SLC14A2: variants seen among roughly 807,000 people sequenced by gnomAD.
SLC14A2 encodes solute carrier family 14 member 2.
Under a neutral mutation model 104.6 loss-of-function variants are expected in SLC14A2, and 91 were observed. The ratio of observed to expected loss-of-function variants is 0.87; its 90% confidence interval spans 0.73 to 1.04. The LOEUF (loss-of-function observed/expected upper bound fraction) is 1.04, where lower values mean the gene tolerates loss of function less well. Ranked by LOEUF, SLC14A2 falls within the 50% of genes least tolerant of loss-of-function variation. The probability of loss-of-function intolerance (pLI) is 0.00; values close to 1 mark genes in which losing one functional copy is unlikely to be tolerated. For missense variants in SLC14A2, 1,189 were observed against 1,156.0 expected (o/e 1.03, Z -0.41); for synonymous variants, 476 against 466.4 (o/e 1.02, Z -0.27).
chr18:45,511,132 G>A (rs1002419225), intron 2 of SLC14A2, among the ~76,000 whole-genome samples: 3 of 152,000 alleles, frequency 2.0e-5, no homozygotes, highest in Non-Finnish European at 2.9e-5. Context: ...TCTGCAAGGG[G>A]CATTATCTGG....
chr18:45,617,134 G>GA (rs2045085931), intron 1 of SLC14A2, among the ~76,000 whole-genome samples: 1 of 152,086 alleles, frequency 6.6e-6, no homozygotes, highest in African/African-American at 2.4e-5. Flanking sequence ...AGGGTGTGAC[G>GA]ATCTCCTATG....
At chr18:45,345,513 T>A (rs576391105) in intron 1 of SLC14A2, among the ~76,000 whole-genome samples, 9 of 152,302 alleles carry the variant, frequency 5.9e-5, no homozygotes, top group African/African-American at 2.2e-4. Context: ...TTATCCCTTT[T>A]GTTTATTACC....
At chr18:45,267,403 T>C (rs1250758967) in intron 1 of SLC14A2, among the ~76,000 whole-genome samples, 1 of 152,152 alleles carries the variant, frequency 6.6e-6, no homozygotes, top group Non-Finnish European at 1.5e-5. Context: ...GGCCCCAGCA[T>C]CATGATGATA....
chr18:45,475,666 TA>T (rs1568228083), intron 1 of SLC14A2, among the ~76,000 whole-genome samples: 14 of 101,828 alleles, frequency 1.4e-4, no homozygotes, highest in Admixed American at 2.3e-4. Context: ...TATATATATA[TA>T]TATATATATA....
chr18:45,563,445 C>T (rs983221527), intron 2 of SLC14A2, among the ~76,000 whole-genome samples: 17 of 152,158 alleles, frequency 1.1e-4, no homozygotes, highest in Non-Finnish European at 2.1e-4. Context: ...AAATTACATT[C>T]GAAAGTATAA....
intron 4 of SLC14A2, 119 bp downstream of exon 4, chr18:45,627,266 C>A: frequency 1.2e-6 from 1 of 819,490 alleles, no homozygotes; most frequent in Non-Finnish European, 2.0e-6. Context: ...TGAGTATCAA[C>A]TTTAAGCAGG....
Position 45,540,811 on chromosome 18 carries a change from C to CTTCCCTCCCTTCTT in SLC14A2, c.-35+57497_-35+57510dup, listed in dbSNP as rs1477100151. 3.3e-5 allele frequency among the ~76,000 whole-genome samples: 5 copies of CTTCCCTCCCTTCTT among 152,108 alleles called. No homozygotes were observed. In the East Asian group the frequency reaches 9.7e-4, roughly 29 times the overall value. ...CTCCCTGAGGGCTGGGGTGGGACAT[C>CTTCCCTCCCTTCTT]TTCCCTCCCTTCTTTTCCCTCTTGC... On this transcript the variant is annotated intron_variant, in intron 2 of 20. Coordinates refer to the SLC14A2 transcript ENST00000586448.
chr18:45,630,029 A>G (rs2045320415), intron 4 of SLC14A2, among the ~76,000 whole-genome samples: 1 of 152,174 alleles, frequency 6.6e-6, no homozygotes, highest in African/African-American at 2.4e-5. Context: ...ATGCTCTCTG[A>G]ACTTTTCTTT....
At chr18:45,361,801 AT>A (rs144040733) in intron 1 of SLC14A2, among the ~76,000 whole-genome samples, 43 of 150,928 alleles carry the variant, frequency 2.8e-4, no homozygotes, top group Admixed American at 1.3e-3. Flanking sequence ...TCTTGCAGTA[AT>A]TTTTTTTTTT....
chr18:45,572,027 A>G (rs918982335), intron 2 of SLC14A2, among the ~76,000 whole-genome samples: 78 of 152,164 alleles, frequency 5.1e-4, no homozygotes, highest in Non-Finnish European at 2.6e-4. Flanking sequence ...TCTGGGGTAG[A>G]GTCCAGATAT....
chr18:45,435,564 C>A (rs2086583067), intron 1 of SLC14A2, among the ~76,000 whole-genome samples: 1 of 152,150 alleles, frequency 6.6e-6, no homozygotes, highest in South Asian at 2.1e-4. Flanking sequence ...TTTGGCAAGA[C>A]TGCTGTTCTT....
At chr18:45,664,566 AG>A (rs2045983274) in intron 11 of SLC14A2, among the ~76,000 whole-genome samples, 2 of 152,312 alleles carry the variant, frequency 1.3e-5, no homozygotes, top group South Asian at 4.1e-4. Flanking sequence ...ATCCCCAGAG[AG>A]GGGGCAGCAT....
At chr18:45,410,022 G>A (rs2086197521) in intron 1 of SLC14A2, among the ~76,000 whole-genome samples, 1 of 152,156 alleles carries the variant, frequency 6.6e-6, no homozygotes, top group Admixed American at 6.5e-5. Context: ...GGGTGGTGAT[G>A]GGAGACAGTG....
At chr18:45,441,350 C>G (rs928026858) in intron 1 of SLC14A2, among the ~76,000 whole-genome samples, 2 of 152,176 alleles carry the variant, frequency 1.3e-5, no homozygotes, top group Non-Finnish European at 2.9e-5. Flanking sequence ...GGAATAAAAT[C>G]CAAACGGGCT....
intron 1 of SLC14A2, among the ~76,000 whole-genome samples, chr18:45,471,206 G>A (rs966029120): frequency 2.0e-5 from 3 of 152,102 alleles, no homozygotes; most frequent in African/African-American, 7.2e-5. Context: ...TTTCTTATTT[G>A]TTCTTAGTGA....
chr18:45,396,218 A>G (rs773714146), intron 1 of SLC14A2, among the ~76,000 whole-genome samples: 1 of 152,122 alleles, frequency 6.6e-6, no homozygotes, highest in Non-Finnish European at 1.5e-5. Context: ...TCTTTGTCAT[A>G]TACTGAGACT....
chr18:45,568,546 G>A (rs1366396497), intron 2 of SLC14A2, among the ~76,000 whole-genome samples: 4 of 152,250 alleles, frequency 2.6e-5, no homozygotes, highest in Non-Finnish European at 4.4e-5. Context: ...AAGCAAAAAT[G>A]TCATGTCATT....
At chr18:45,409,694 A>C (rs2086194081) in intron 1 of SLC14A2, among the ~76,000 whole-genome samples, 1 of 152,122 alleles carries the variant, frequency 6.6e-6, no homozygotes, top group Admixed American at 6.6e-5. Context: ...GAAAATGAAG[A>C]AGCAAAAAGA....
intron 1 of SLC14A2, among the ~76,000 whole-genome samples, chr18:45,326,907 CAT>C (rs2085240234): frequency 3.3e-5 from 5 of 152,188 alleles, no homozygotes; most frequent in Admixed American, 3.3e-4. Flanking sequence ...AGAGCAGGAA[CAT>C]AGAAAGTCAG....
Sources: gnomAD v4.1 joint callset for allele counts (sites outside exome capture counted in the v4.1 genomes callset) on GRCh38, gnomAD v4.1.1 for gene constraint, MANE v1.5 for transcripts, NCBI Gene and HGNC (gene_info 2026-07-23, HGNC 2026-07-21) for gene names.